The following ZNF350 variants were observed in gnomAD, a reference collection of about 807,000 sequenced individuals.
ZNF350 encodes the protein KRAB zinc finger protein ZFQR.
A neutral mutation model predicts 13.1 loss-of-function variants in ZNF350; 5 were observed. The ratio of observed to expected loss-of-function variants is 0.38; its 90% CI spans 0.20 to 0.80. The LOEUF (loss-of-function observed/expected upper bound fraction) is 0.80. ZNF350 is among the 30% of genes least tolerant of loss of function. The pLI is 0.43. For synonymous variants in ZNF350, 199 were observed against 224.2 expected, an observed-to-expected ratio of 0.89 and a Z score of 1.00; for missense variants, 534 against 644.2, an observed-to-expected ratio of 0.83 and a Z score of 1.85.
intron 2 of ZNF350, among the ~76,000 whole-genome samples, chr19:51,971,035 C>G (rs2085722390): frequency 6.6e-6 from 1 of 152,224 alleles, no homozygotes; most frequent in Non-Finnish European, 1.5e-5. Flanking sequence ...AAAGGACCTA[C>G]AGCCCTGTAA....
At chr19:51,980,968 TC>T (rs2086019142) in intron 1 of ZNF350, 2 of 152,116 alleles carry the variant, frequency 1.3e-5, no homozygotes, top group Non-Finnish European at 2.9e-5. Context: ...AATGAGAGCC[TC>T]CCAGCCCAGC....
chr19:51,969,052 A>G lies in ZNF350; in HGVS notation c.95T>C (p.Leu32Pro). ...GTTCTCCAACATCACATCCCGGTAC[A>G]GGTCCTTCTGAGCAGCGCCCAGGAG... ...WQLLGAAQKD[L>P]YRDVMLENYS... The change falls in exon 3 of 5, where the codon CTG (leucine) becomes CCG (proline). Residue 32 changes from leucine to proline, a missense_variant. Physicochemically the swap from Leu to Pro is moderately conservative, Grantham distance 98. Transcript: ENST00000243644. The G allele has an allele frequency of 6.2e-7, 1 of 1,614,110 alleles. No individual in the cohort carries two copies. Among genetic ancestry groups the G allele is most frequent in the Non-Finnish European group, 8.5e-7 (1 of 1,179,982 alleles).
chr19:51,971,889 T>G (rs2085748902), intron 2 of ZNF350, among the ~76,000 whole-genome samples: 2 of 152,198 alleles, frequency 1.3e-5, no homozygotes, highest in Admixed American at 1.3e-4. Context: ...CACCCTCTCC[T>G]TGAGCAGGGA....
At chr19:51,971,444 G>A (rs1454013431) in intron 2 of ZNF350, among the ~76,000 whole-genome samples, 1 of 152,158 alleles carries the variant, frequency 6.6e-6, no homozygotes, top group Non-Finnish European at 1.5e-5. Flanking sequence ...AAAGGTCCGT[G>A]GGACGTGACC....
chr19:51,971,457 C>T (rs907720773), intron 2 of ZNF350, among the ~76,000 whole-genome samples: 1 of 152,200 alleles, frequency 6.6e-6, no homozygotes, highest in African/African-American at 2.4e-5. Flanking sequence ...ACGTGACCAA[C>T]TCAGCATTCC....
Position 51,964,819 on chromosome 19 carries a change from C to A in ZNF350, c.*35G>T. ...CCACATAATGAACTACAAATTTTTG[C>A]TCAACCCTTTTCCACATAGATCTGA... is the stretch of plus-strand genomic sequence containing the variant. On this transcript the variant is annotated 3_prime_UTR_variant, in exon 5 of 5. Transcript: ENST00000243644. 2 of 1,571,238 alleles carry A rather than the reference C, an allele frequency of 1.3e-6. No homozygotes were observed. The highest frequency in any genetic ancestry group is 1.2e-5 in the South Asian group (1 of 83,990).
At chr19:51,985,664 C>G (rs541354853) in intron 1 of ZNF350, among the ~76,000 whole-genome samples, 1 of 152,190 alleles carries the variant, frequency 6.6e-6, no homozygotes, top group Non-Finnish European at 1.5e-5. Flanking sequence ...AATGGAGATT[C>G]TGTTAAGAAA....
intron 1 of ZNF350, among the ~76,000 whole-genome samples, chr19:51,980,484 A>C (rs549963772): frequency 6.6e-6 from 1 of 152,346 alleles, no homozygotes; most frequent in South Asian, 2.1e-4. Context: ...GGACACGCAC[A>C]GCTGACCAAG....
intron 1 of ZNF350, among the ~76,000 whole-genome samples, chr19:51,977,944 G>A (rs1179900509): frequency 6.6e-6 from 1 of 152,184 alleles, no homozygotes; most frequent in East Asian, 1.9e-4. Flanking sequence ...TGTAATTGTG[G>A]AAAAACTGGA....
chr19:51,977,946 A>G (rs1453492805), intron 1 of ZNF350, among the ~76,000 whole-genome samples: 1 of 152,246 alleles, frequency 6.6e-6, no homozygotes, highest in Non-Finnish European at 1.5e-5. Flanking sequence ...TAATTGTGGA[A>G]AAACTGGACA....
intron 3 of ZNF350, 98 bp downstream of exon 3, chr19:51,968,907 A>C: frequency 6.2e-7 from 1 of 1,608,590 alleles, no homozygotes; most frequent in Non-Finnish European, 8.5e-7. Context: ...AGAATCTACC[A>C]CTTCAGAGTA....
chr19:51,968,549 A>G (rs2085641462), intron 4 of ZNF350, 29 bp downstream of exon 4: 1 of 1,600,292 alleles, frequency 6.2e-7, no homozygotes, highest in Non-Finnish European at 8.6e-7. Context: ...TGTGACTTCC[A>G]TAGCCTTCTG....
At chr19:51,969,327 A>G (rs556804265) in intron 2 of ZNF350, among the ~76,000 whole-genome samples, 196 bp from the exon 3 acceptor site, 6 of 152,194 alleles carry the variant, frequency 3.9e-5, no homozygotes, top group African/African-American at 1.4e-4. Flanking sequence ...CATTCACCCA[A>G]TTGGAAGTTT....
rs540233397 is a variant in ZNF350, at chr19:51,972,529, A to G, written c.15+1817T>C. The stretch of plus-strand genomic sequence containing the variant: ...TAATTAATGTTCTTCAATCATTTGC[A>G]ATCATTGGTCTTTGGATGTTCAAAG... On this transcript the variant is annotated intron_variant, in intron 2 of 4. Coordinates refer to ENST00000243644, the MANE Select transcript of ZNF350 (RefSeq NM_021632.4). Among the ~76,000 whole-genome samples, 3 of 152,254 alleles carry G rather than the reference A, an allele frequency of 2.0e-5. No homozygotes were observed. The East Asian group carries it at 5.8e-4, about 29-fold the overall frequency.
chr19:51,966,263 G>A, intron 4 of ZNF350, 49 bp from the exon 5 acceptor site: 1 of 1,473,086 alleles, frequency 6.8e-7, no homozygotes, highest in South Asian at 1.4e-5. Flanking sequence ...TGGGGTAAAA[G>A]TTTGTTGTGG....
At chr19:51,985,252 G>A (rs2086137932) in intron 1 of ZNF350, among the ~76,000 whole-genome samples, 1 of 152,134 alleles carries the variant, frequency 6.6e-6, no homozygotes, top group African/African-American at 2.4e-5. Flanking sequence ...AACACAACGG[G>A]TGAATTTTAC....
At chr19:51,974,582 C>A in intron 1 of ZNF350, 51 bp from the exon 2 acceptor site, 1 of 537,560 alleles carries the variant, frequency 1.9e-6, no homozygotes, top group Non-Finnish European at 3.4e-6. Flanking sequence ...TTTCCAGGCC[C>A]AGATACTGTC....
At chr19:51,977,670 C>T (rs1245614354) in intron 1 of ZNF350, among the ~76,000 whole-genome samples, 1 of 152,216 alleles carries the variant, frequency 6.6e-6, no homozygotes, top group African/African-American at 2.4e-5. Flanking sequence ...TGCAAGATTA[C>T]ATGAGGCACT....
At chr19:51,981,774 C>T (rs950492394) in intron 1 of ZNF350, among the ~76,000 whole-genome samples, 1 of 152,162 alleles carries the variant, frequency 6.6e-6, no homozygotes, top group Admixed American at 6.5e-5. Context: ...CATAGAAATA[C>T]ACCATATGTA....
Sources: allele counts gnomAD v4.1 joint callset (sites outside exome capture counted in the v4.1 genomes callset), GRCh38; gene constraint gnomAD v4.1.1; transcripts MANE v1.5; gene names NCBI Gene and HGNC (gene_info 2026-07-23, HGNC 2026-07-21).